TNKS: variants seen among roughly 807,000 people sequenced by gnomAD.
TNKS encodes poly [ADP-ribose] polymerase tankyrase-1.
A neutral mutation model predicts 135.8 loss-of-function variants in TNKS; 72 were observed. The ratio of observed to expected loss-of-function variants is 0.53; its 90% CI spans 0.44 to 0.64. The LOEUF (loss-of-function observed/expected upper bound fraction) is 0.64, where lower values mean the gene tolerates loss of function less well. TNKS is among the 30% of genes least tolerant of loss of function. The pLI is 0.00. For missense variants in TNKS, 1,769 were observed against 1,674.0 expected, an observed-to-expected ratio of 1.06 and a Z score of -0.99; for synonymous variants, 849 against 649.3, an observed-to-expected ratio of 1.31 and a Z score of -4.68.
At chr8:9,632,268 A>C (rs1800319640) in intron 3 of TNKS, among the ~76,000 whole-genome samples, 1 of 152,190 alleles carries the variant, frequency 6.6e-6, no homozygotes, top group South Asian at 2.1e-4. Flanking sequence ...AAGCTTCCCT[A>C]CGACTGTTTC....
intron 17 of TNKS, among the ~76,000 whole-genome samples, chr8:9,740,332 C>G (rs1039082655): frequency 1.1e-4 from 16 of 152,186 alleles, no homozygotes; most frequent in African/African-American, 3.6e-4. Flanking sequence ...TGGAATCACT[C>G]TTGATAGAAG....
At chr8:9,593,013 T>C (rs1798643160) in intron 2 of TNKS, among the ~76,000 whole-genome samples, 1 of 152,230 alleles carries the variant, frequency 6.6e-6, no homozygotes, top group Non-Finnish European at 1.5e-5. Context: ...CATTAACTTT[T>C]GGTTATAATG....
intron 3 of TNKS, 97 bp from the exon 4 acceptor site, chr8:9,679,854 C>A (rs1468628007): frequency 1.9e-6 from 2 of 1,036,830 alleles, no homozygotes; most frequent in African/African-American, 3.2e-5. Flanking sequence ...CTCTCTTTTT[C>A]TGTTCTTCTC....
intron 20 of TNKS, among the ~76,000 whole-genome samples, chr8:9,757,764 A>C (rs1386269564): frequency 2.0e-5 from 3 of 152,224 alleles, no homozygotes; most frequent in Non-Finnish European, 2.9e-5. Context: ...CAACTATGTA[A>C]CTTTCCAACT....
At chr8:9,669,847 C>T (rs562789987) in intron 3 of TNKS, among the ~76,000 whole-genome samples, 18 of 151,930 alleles carry the variant, frequency 1.2e-4, no homozygotes, top group Non-Finnish European at 1.6e-4. Flanking sequence ...GAGTTTCAGA[C>T]GTTTTAAAGA....
In TNKS at chr8:9,556,061, CG is replaced by C; in HGVS notation, c.126del (p.Thr43ProfsTer21). On this transcript the variant is annotated frameshift_variant, in exon 1 of 27. Coordinates refer to ENST00000310430, the MANE Select transcript of TNKS (RefSeq NM_003747.3). LOFTEE classifies it high-confidence loss of function. Reference sequence around the variant, plus strand: ...CCCCCACTCAGCCCTGGCCTGGCCCCGGGGACCACCCCAGCCTCTCCCACGG... The same window carrying C: ...CCCCCACTCAGCCCTGGCCTGGCCCCGGGACCACCCCAGCCTCTCCCACGG... Reference protein sequence around the residue: ...PPPPLSPGLAPGTTPASPTAS... With the variant: ...PPPPLSPGLAXGTTPASPTAS... 1 of 1,608,420 alleles carries C rather than the reference CG, an allele frequency of 6.2e-7. No individual in the cohort carries two copies.
chr8:9,729,061 C>T (rs958050121), intron 13 of TNKS, among the ~76,000 whole-genome samples: 1 of 152,208 alleles, frequency 6.6e-6, no homozygotes, highest in Non-Finnish European at 1.5e-5. Flanking sequence ...GACCCCGTCT[C>T]TCTGCCTTCA....
In TNKS at chr8:9,735,158, G is replaced by C. The variant is rs1373919394; in HGVS notation, c.2533+74G>C. ...TAATACAGTTTACTAAAAGACGAAA[G>C]CCATGCTGAACACAAATGGGACTAC... is the stretch of plus-strand genomic sequence containing the variant. On this transcript the variant is annotated intron_variant, in intron 16 of 26. Coordinates refer to ENST00000310430, the MANE Select transcript of TNKS (RefSeq NM_003747.3). 2.1e-6 allele frequency: 3 copies of C among 1,452,208 alleles called. No individual in the cohort carries two copies. The African/African-American group carries it at 4.3e-5, about 21-fold the overall frequency. 90.0% of individuals were successfully genotyped at this position (1,452,208 alleles called of 1,614,324 possible).
intron 11 of TNKS, among the ~76,000 whole-genome samples, chr8:9,720,099 C>T (rs751869682): frequency 2.6e-5 from 4 of 151,930 alleles, no homozygotes; most frequent in African/African-American, 7.3e-5. Context: ...CCAGTCTAGT[C>T]GTCGAAGGGA....
chr8:9,730,872 G>A lies in TNKS; in HGVS notation c.2002-18G>A. The A allele has an allele frequency of 6.2e-7, 1 of 1,607,060 alleles. No individual in the cohort carries two copies. The highest frequency in any genetic ancestry group is 1.7e-4 in the Middle Eastern group (1 of 6,034). On this transcript the variant is annotated intron_variant, in intron 13 of 26. Coordinates refer to ENST00000310430, the MANE Select transcript of TNKS (RefSeq NM_003747.3). ...TAATGTTCGTTTTGTGTTTGTCTTT[G>A]TGTGTGCACCACGAAAGCAACTTTG... is the stretch of plus-strand genomic sequence containing the variant.
In TNKS at chr8:9,780,603, G is replaced by C. The variant is rs1358172781; in HGVS notation, c.*3867G>C. On this transcript the variant is annotated 3_prime_UTR_variant, in exon 27 of 27. Transcript: ENST00000310430. Reference sequence around the variant, plus strand: ...GAACATGAGGCTTCTTCAGCAACTTGTGCACTCTGCCATTAATAAATTAAA... The same window carrying C: ...GAACATGAGGCTTCTTCAGCAACTTCTGCACTCTGCCATTAATAAATTAAA... 1.3e-5 allele frequency: 2 copies of C among 152,182 alleles called. No homozygotes were observed. The highest frequency in any genetic ancestry group is 4.8e-5 in the African/African-American group (2 of 41,444). The allele number at this position is 152,182 out of a possible 1,614,324, so 9.4% of individuals were successfully genotyped here.
rs952961201 is a variant in TNKS at position 9,780,418 on chromosome 8, T to C, written c.*3682T>C. The C allele has an allele frequency of 2.0e-5, 3 of 152,204 alleles. No individual in the cohort carries two copies. Among genetic ancestry groups the C allele is most frequent in the Admixed American group, 6.5e-5 (1 of 15,286 alleles). The allele number at this position is 152,204 out of a possible 1,614,324, so 9.4% of individuals were successfully genotyped here. A position where few individuals can be genotyped will look rare whatever the true frequency, so the allele number is the denominator to read the frequency against. On this transcript the variant is annotated 3_prime_UTR_variant, in exon 27 of 27. Transcript: ENST00000310430. ...CAGGTATTCAAAACTGCCATTAAGA[T>C]AGGATTTCATGTCAGATACGTATTT...
intron 3 of TNKS, 124 bp from the exon 4 acceptor site, chr8:9,679,827 A>G: frequency 1.4e-6 from 1 of 730,066 alleles, no homozygotes; most frequent in Non-Finnish European, 2.3e-6. Flanking sequence ...CGGCTCCATC[A>G]CCCAGCGGGG....
At position 9,663,409 on chromosome 8, in the gene TNKS, G is replaced by T. The variant is rs146245351; in HGVS notation, c.995-16542G>T. Among the ~76,000 whole-genome samples, 11 of 152,312 alleles carry T rather than the reference G, an allele frequency of 7.2e-5. No homozygotes were observed. In the East Asian group the frequency reaches 1.9e-3, roughly 27 times the overall value. ...GTGTATATGTATGTGTAAAGGAAAA[G>T]AAACCTCTTTTTTGTTTTACTGCTT... On this transcript the variant is annotated intron_variant, in intron 3 of 26. Coordinates refer to ENST00000310430, the MANE Select transcript of TNKS (RefSeq NM_003747.3).
chr8:9,560,946 C>G (rs1391665533), intron 1 of TNKS, among the ~76,000 whole-genome samples: 1 of 151,888 alleles, frequency 6.6e-6, no homozygotes, highest in African/African-American at 2.4e-5. Context: ...TCTTTGGAAG[C>G]AAATGATTTA....
rs558529327 is a variant in TNKS at position 9,735,429 on chromosome 8, T to C, written c.2586T>C (p.Asp862=). 6.2e-7 allele frequency: 1 copy of C among 1,614,134 alleles called. No individual in the cohort carries two copies. Among genetic ancestry groups the C allele is most frequent in the Admixed American group, 1.7e-5 (1 of 60,008 alleles). The change falls in exon 17 of 27, where the codon GAT becomes GAC. Residue 862 remains aspartate, a synonymous_variant. Coordinates refer to ENST00000310430, the MANE Select transcript of TNKS (RefSeq NM_003747.3). ...AATATCTTCTAGAGCATGGAGCTGATGTTAATGCCCAGGACAAGGGTGGTT... is the reference window on the plus strand; with the variant it reads ...AATATCTTCTAGAGCATGGAGCTGACGTTAATGCCCAGGACAAGGGTGGTT... ...VAEYLLEHGA[D]VNAQDKGGLI...
chr8:9,734,235 T>G (rs905048644), intron 15 of TNKS, among the ~76,000 whole-genome samples: 8 of 152,176 alleles, frequency 5.3e-5, no homozygotes, highest in African/African-American at 1.7e-4. Context: ...ACAACTAATT[T>G]CCGCAGTGAG....
At chr8:9,556,695 T>C (rs779979941) in intron 1 of TNKS, 83 bp downstream of exon 1, 4 of 1,484,164 alleles carry the variant, frequency 2.7e-6, no homozygotes, top group South Asian at 1.1e-5. Context: ...GTTATTGTGA[T>C]GGGACAAAGT....
chr8:9,645,743 T>C (rs1398948528), intron 3 of TNKS, among the ~76,000 whole-genome samples: 1 of 152,218 alleles, frequency 6.6e-6, no homozygotes, highest in East Asian at 1.9e-4. Flanking sequence ...CTGTGTTTGA[T>C]CTTATTCCTG....
Sources: gnomAD v4.1 joint callset for allele counts (sites outside exome capture counted in the v4.1 genomes callset) on GRCh38, gnomAD v4.1.1 for gene constraint, MANE v1.5 for transcripts, NCBI Gene and HGNC (gene_info 2026-07-23, HGNC 2026-07-21) for gene names.